The following LRP1B variants were observed in gnomAD, a reference collection of about 807,000 sequenced individuals.
LRP1B encodes the protein low-density lipoprotein receptor-related protein 1B.
Under a neutral mutation model 556.6 loss-of-function variants are expected in LRP1B, and 217 were observed. That is an observed-to-expected ratio of 0.39 (90% confidence interval 0.35 to 0.44). The LOEUF (loss-of-function observed/expected upper bound fraction) is 0.44, where lower values mean the gene tolerates loss of function less well. Ranked by LOEUF, LRP1B falls within the 20% of genes least tolerant of loss-of-function variation. The pLI is 1.00. For missense variants in LRP1B, 5,053 were observed against 5,620.8 expected, an observed-to-expected ratio of 0.90 and a Z score of 3.23; for synonymous variants, 2,047 against 1,865.8, an observed-to-expected ratio of 1.10 and a Z score of -2.50.
intron 11 of LRP1B, among the ~76,000 whole-genome samples, chr2:141,033,481 C>A (rs573657301): frequency 2.0e-5 from 3 of 151,602 alleles, no homozygotes; most frequent in African/African-American, 7.3e-5. Flanking sequence ...CAATTGCCCC[C>A]AAATTTATTG....
chr2:141,026,650 G>T (rs1290816099), intron 11 of LRP1B, among the ~76,000 whole-genome samples: 1 of 152,012 alleles, frequency 6.6e-6, no homozygotes, highest in African/African-American at 2.4e-5. Context: ...GTGGACTCTA[G>T]GTAAATGTGG....
intron 2 of LRP1B, among the ~76,000 whole-genome samples, chr2:141,766,596 C>G (rs891724391): frequency 3.9e-5 from 6 of 152,110 alleles, no homozygotes; most frequent in African/African-American, 1.4e-4. Context: ...AGAGCAGAGA[C>G]ACTTCTCTCC....
intron 43 of LRP1B, among the ~76,000 whole-genome samples, chr2:140,565,052 C>T (rs150815494): frequency 7.6e-6 from 1 of 130,802 alleles, no homozygotes; most frequent in Admixed American, 7.6e-5. Context: ...AAAATGGAAG[C>T]ACACTGAGAA....
At chr2:140,951,403 AT>A (rs1695710721) in intron 19 of LRP1B, among the ~76,000 whole-genome samples, 1 of 152,170 alleles carries the variant, frequency 6.6e-6, no homozygotes, top group Non-Finnish European at 1.5e-5. Flanking sequence ...ATTTACCTGT[AT>A]TTGGCATAAT....
intron 2 of LRP1B, among the ~76,000 whole-genome samples, chr2:141,488,411 T>C (rs1189024568): frequency 6.6e-6 from 1 of 152,166 alleles, no homozygotes; most frequent in Non-Finnish European, 1.5e-5. Flanking sequence ...AGAGTTTTGA[T>C]TGTATTTTTT....
At chr2:140,365,738 G>T (rs1289965119) in intron 71 of LRP1B, among the ~76,000 whole-genome samples, 2 of 151,572 alleles carry the variant, frequency 1.3e-5, no homozygotes, top group Non-Finnish European at 3.0e-5. Flanking sequence ...CTCCCAAAGG[G>T]TTACACTACC....
intron 1 of LRP1B, among the ~76,000 whole-genome samples, chr2:142,080,529 A>AAAAT (rs1553514731): frequency 7.9e-5 from 12 of 152,032 alleles, no homozygotes; most frequent in African/African-American, 1.5e-4. Flanking sequence ...GTTTGTAAAA[A>AAAAT]AAATAAATAA....
In LRP1B at chr2:141,029,672, G is replaced by C. The variant is rs115486425; in HGVS notation, c.1790-9570C>G. On this transcript the variant is annotated intron_variant, in intron 11 of 90. Transcript: ENST00000389484. ...CCAGGCCTATCATGTCGCTCCCTGA[G>C]ACTCCCGGGCAGGGTAACCAGTGCA... 3.0e-3 allele frequency among the ~76,000 whole-genome samples: 461 copies of C among 152,204 alleles called. 3 individuals carry two copies. Among genetic ancestry groups the C allele is most frequent in the African/African-American group, 0.011 (448 of 41,546 alleles).
intron 41 of LRP1B, among the ~76,000 whole-genome samples, chr2:140,633,871 T>C (rs1240489479): frequency 6.6e-6 from 1 of 152,094 alleles, no homozygotes. Context: ...TGTCAAACAT[T>C]AGAGAACAAA....
intron 1 of LRP1B, among the ~76,000 whole-genome samples, chr2:142,095,160 A>T (rs1222304066): frequency 6.6e-6 from 1 of 151,354 alleles, no homozygotes; most frequent in Non-Finnish European, 1.5e-5. Flanking sequence ...TTAAATCAGC[A>T]GATGGACCCC....
At chr2:140,998,736 T>C (rs1697325866) in intron 15 of LRP1B, among the ~76,000 whole-genome samples, 1 of 152,216 alleles carries the variant, frequency 6.6e-6, no homozygotes, top group South Asian at 2.1e-4. Flanking sequence ...ATGTTGCAAG[T>C]TCATTGAGAA....
chr2:141,866,857 A>C, intron 1 of LRP1B, among the ~76,000 whole-genome samples: 1 of 151,778 alleles, frequency 6.6e-6, no homozygotes, highest in African/African-American at 2.4e-5. Flanking sequence ...ATAGAAGGAG[A>C]GAAAAAAGGA....
intron 7 of LRP1B, among the ~76,000 whole-genome samples, chr2:141,158,350 A>T (rs1271679584): frequency 2.0e-5 from 3 of 152,206 alleles, no homozygotes; most frequent in Non-Finnish European, 4.4e-5. Flanking sequence ...TATATAAATT[A>T]TGCCATTTAG....
intron 41 of LRP1B, among the ~76,000 whole-genome samples, chr2:140,603,446 T>C (rs1349065889): frequency 2.0e-5 from 3 of 152,140 alleles, no homozygotes; most frequent in Non-Finnish European, 4.4e-5. Flanking sequence ...GTAGTATCTA[T>C]AGCATTACAC....
chr2:140,974,984 A>C (rs1696547933), intron 18 of LRP1B, among the ~76,000 whole-genome samples: 1 of 152,200 alleles, frequency 6.6e-6, no homozygotes, highest in East Asian at 1.9e-4. Flanking sequence ...AGAGAAGAAC[A>C]AAGAACTGGA....
At chr2:141,005,591 G>A (rs1573972743) in intron 14 of LRP1B, 134 bp from the exon 15 acceptor site, 2 of 670,298 alleles carry the variant, frequency 3.0e-6, no homozygotes, top group East Asian at 3.4e-5. Context: ...GAAGATTTCT[G>A]TTGAATCATA....
chr2:141,969,319 C>A (rs1701656945), intron 1 of LRP1B, among the ~76,000 whole-genome samples: 1 of 151,428 alleles, frequency 6.6e-6, no homozygotes, highest in Admixed American at 6.6e-5. Flanking sequence ...CTATCATTTA[C>A]TATATTCACC....
chr2:140,536,573 A>C lies in LRP1B; in HGVS notation c.7642+8T>G. 6.2e-7 allele frequency: 1 copy of C among 1,604,140 alleles called. No individual in the cohort carries two copies. The highest frequency in any genetic ancestry group is 8.5e-7 in the Non-Finnish European group (1 of 1,176,750). Reference sequence around the variant, plus strand: ...TCTGAAACGAGCAAACCCATATTGGACACTTACCACAGTAGAGCAGTTTTT... The same window carrying C: ...TCTGAAACGAGCAAACCCATATTGGCCACTTACCACAGTAGAGCAGTTTTT... On this transcript the variant is annotated splice_region_variant and intron_variant, in intron 46 of 90. Transcript: ENST00000389484.
intron 6 of LRP1B, among the ~76,000 whole-genome samples, chr2:141,197,959 T>C (rs1681825287): frequency 6.6e-6 from 1 of 152,094 alleles, no homozygotes; most frequent in Non-Finnish European, 1.5e-5. Flanking sequence ...ATTATGAATA[T>C]TTTAACATTT....
Sources: allele counts gnomAD v4.1 joint callset (sites outside exome capture counted in the v4.1 genomes callset), GRCh38; gene constraint gnomAD v4.1.1; transcripts MANE v1.5; gene names NCBI Gene and HGNC (gene_info 2026-07-23, HGNC 2026-07-21).